CDH18: variants seen among roughly 807,000 people sequenced by gnomAD.
CDH18 encodes the protein cadherin 18.
Under a neutral mutation model 67.9 loss-of-function variants are expected in CDH18, and 31 were observed. The observed-to-expected ratio is 0.46, with a 90% CI of 0.34 to 0.62. The LOEUF is 0.62. CDH18 is among the 20% of genes least tolerant of loss of function. The probability of loss-of-function intolerance (pLI) is 0.01; values close to 1 mark genes in which losing one functional copy is unlikely to be tolerated. For missense variants in CDH18, 890 were observed against 975.5 expected, an observed-to-expected ratio of 0.91 and a Z score of 1.17; for synonymous variants, 362 against 347.2, an observed-to-expected ratio of 1.04 and a Z score of -0.48.
intron 1 of CDH18, among the ~76,000 whole-genome samples, chr5:20,420,542 T>A (rs1432638966): frequency 2.0e-5 from 3 of 151,328 alleles, no homozygotes; most frequent in Middle Eastern, 6.8e-3. Context: ...TGATAAATAC[T>A]TGTGAAATAA....
At position 19,799,126 on chromosome 5, in the gene CDH18, C is replaced by T. The variant is rs953901884; in HGVS notation, c.228+39633G>A. On this transcript the variant is annotated intron_variant, in intron 3 of 12. Transcript: ENST00000382275. The stretch of plus-strand genomic sequence containing the variant: ...ATATGGATGAACGTAGAAGACACTA[C>T]GCTTAGCAAAATGAGCTAGTCACAG... Among the ~76,000 whole-genome samples the T allele has an allele frequency of 5.3e-5, 8 of 152,058 alleles. No individual in the cohort carries two copies. In the East Asian group the frequency reaches 5.8e-4, roughly 11 times the overall value.
intron 5 of CDH18, among the ~76,000 whole-genome samples, chr5:19,616,826 T>C (rs1041248273): frequency 1.3e-5 from 2 of 152,208 alleles, no homozygotes; most frequent in African/African-American, 4.8e-5. Context: ...ATTTTATTCC[T>C]GGTGAGGTGT....
chr5:20,123,573 G>A (rs887114571), intron 2 of CDH18, among the ~76,000 whole-genome samples: 2 of 152,108 alleles, frequency 1.3e-5, no homozygotes, highest in Non-Finnish European at 2.9e-5. Flanking sequence ...ACAATTGCAC[G>A]AAACGTTCCA....
intron 9 of CDH18, among the ~76,000 whole-genome samples, chr5:19,526,322 A>G (rs1580004698): frequency 1.3e-5 from 2 of 152,170 alleles, no homozygotes; most frequent in Admixed American, 1.3e-4. Flanking sequence ...ATGCAACATT[A>G]ATACAATAGG....
chr5:19,480,080 TAAAC>T (rs1438513537), intron 12 of CDH18, among the ~76,000 whole-genome samples: 1 of 152,074 alleles, frequency 6.6e-6, no homozygotes, highest in Non-Finnish European at 1.5e-5. Context: ...TTTATGATGA[TAAAC>T]AAGCTCAAAA....
chr5:20,397,088 T>C (rs1745345063), intron 1 of CDH18, among the ~76,000 whole-genome samples: 1 of 152,036 alleles, frequency 6.6e-6, no homozygotes, highest in African/African-American at 2.4e-5. Flanking sequence ...TAGAAGAACA[T>C]TTATTAGTCC....
chr5:20,422,088 GTATGGTATGAAAATTC>G (rs1338969559), intron 1 of CDH18, among the ~76,000 whole-genome samples: 1 of 151,002 alleles, frequency 6.6e-6, no homozygotes, highest in East Asian at 1.9e-4. Flanking sequence ...CTTCAAATGT[GTATGGTATGAAAATTC>G]TAGGAAGAAA....
chr5:19,799,017 A>G (rs1185755245), intron 3 of CDH18, among the ~76,000 whole-genome samples: 5 of 152,084 alleles, frequency 3.3e-5, no homozygotes, highest in Non-Finnish European at 7.4e-5. Context: ...GGGTGTTTCC[A>G]TATTTTAGGT....
chr5:19,858,070 C>T (rs1022013277), intron 2 of CDH18, among the ~76,000 whole-genome samples: 5 of 151,930 alleles, frequency 3.3e-5, no homozygotes, highest in South Asian at 4.2e-4. Flanking sequence ...TATTCATTGC[C>T]GATATATGAT....
At chr5:20,242,836 C>T (rs1452946295) in intron 2 of CDH18, among the ~76,000 whole-genome samples, 1 of 151,470 alleles carries the variant, frequency 6.6e-6, no homozygotes, top group Non-Finnish European at 1.5e-5. Context: ...TTATTTCTGA[C>T]CTAATCTTTC....
intron 1 of CDH18, among the ~76,000 whole-genome samples, chr5:20,300,155 CTTAGT>C (rs1413830488): frequency 6.6e-6 from 1 of 152,014 alleles, no homozygotes; most frequent in Non-Finnish European, 1.5e-5. Context: ...GGAGCAAAAT[CTTAGT>C]TTAAAGAGGA....
chr5:20,390,200 C>A (rs1744713883), intron 1 of CDH18, among the ~76,000 whole-genome samples: 2 of 149,906 alleles, frequency 1.3e-5, no homozygotes, highest in South Asian at 2.2e-4. Context: ...AGTGAACAGG[C>A]AACCTACAGA....
At chr5:19,746,836 T>C in intron 4 of CDH18, 106 bp downstream of exon 4, 1 of 865,416 alleles carries the variant, frequency 1.2e-6, no homozygotes, top group South Asian at 1.8e-5. Context: ...TTCATATTTA[T>C]ATCCCCTCCA....
At chr5:19,570,385 G>A (rs1383601196) in intron 8 of CDH18, among the ~76,000 whole-genome samples, 1 of 152,106 alleles carries the variant, frequency 6.6e-6, no homozygotes, top group African/African-American at 2.4e-5. Context: ...ACTTGCAGAT[G>A]GAGTAGGATT....
chr5:20,562,737 T>A (rs1269593364), intron 1 of CDH18, among the ~76,000 whole-genome samples: 1 of 151,904 alleles, frequency 6.6e-6, no homozygotes, highest in African/African-American at 2.4e-5. Context: ...GAATAAAACA[T>A]TATTGCGTAA....
At chr5:19,539,393 A>C (rs922118378) in intron 9 of CDH18, among the ~76,000 whole-genome samples, 1 of 152,188 alleles carries the variant, frequency 6.6e-6, no homozygotes, top group African/African-American at 2.4e-5. Context: ...ACAGGAATTT[A>C]TTTTGGTGAT....
chr5:19,721,519 T>G (rs1351869785), intron 4 of CDH18, 53 bp from the exon 5 acceptor site: 1 of 1,552,386 alleles, frequency 6.4e-7, no homozygotes, highest in African/African-American at 1.4e-5. Flanking sequence ...AGCATATGAT[T>G]AATTTGAACA....
chr5:19,672,614 G>A (rs1580802075), intron 5 of CDH18, among the ~76,000 whole-genome samples: 1 of 151,806 alleles, frequency 6.6e-6, no homozygotes, highest in Admixed American at 6.6e-5. Context: ...TTTCTCCACT[G>A]GTCTATGGTA....
intron 1 of CDH18, among the ~76,000 whole-genome samples, chr5:20,293,239 C>T (rs1747237722): frequency 6.6e-6 from 1 of 152,088 alleles, no homozygotes; most frequent in African/African-American, 2.4e-5. Flanking sequence ...ATTGCTTGAA[C>T]CCAGGAGGCG....
Sources: gnomAD v4.1 joint callset for allele counts (sites outside exome capture counted in the v4.1 genomes callset) on GRCh38, gnomAD v4.1.1 for gene constraint, MANE v1.5 for transcripts, NCBI Gene and HGNC (gene_info 2026-07-23, HGNC 2026-07-21) for gene names.